Variants in CUL5 observed in about 807,000 individuals in gnomAD.
The protein encoded by CUL5 is cullin 5, also known as cullin-5.
Under a neutral mutation model 108.8 loss-of-function variants are expected in CUL5, and 26 were observed. The observed-to-expected ratio is 0.24, with a 90% CI of 0.18 to 0.33. The LOEUF (loss-of-function observed/expected upper bound fraction) is 0.33, where lower values mean the gene tolerates loss of function less well. CUL5 is among the 10% of genes least tolerant of loss of function. CUL5 has a pLI of 1.00. For synonymous variants in CUL5, 334 were observed against 298.0 expected (o/e 1.12, Z -1.25); for missense variants, 524 against 909.2 (o/e 0.58, Z 5.45).
Position 108,035,565 on chromosome 11 carries a change from C to G in CUL5, c.134+1654C>G, listed in dbSNP as rs541175517. 6.5e-3 allele frequency among the ~76,000 whole-genome samples: 968 copies of G among 149,154 alleles called. 4 individuals carry two copies. The highest frequency in any genetic ancestry group is 8.5e-3 in the Non-Finnish European group (572 of 67,128). On this transcript the variant is annotated intron_variant, in intron 2 of 18. Transcript: ENST00000393094. ...CAGCCTGGGCAACATAGTGTGAGAC[C>G]CTGTCTCTTAAAAAAAAAAAAAAAA...
intron 3 of CUL5, among the ~76,000 whole-genome samples, chr11:108,047,201 C>T (rs1219814438): frequency 1.3e-5 from 2 of 152,122 alleles, no homozygotes; most frequent in African/African-American, 2.4e-5. Flanking sequence ...CCTGTGGTTG[C>T]AGCCACTCGA....
intron 2 of CUL5, among the ~76,000 whole-genome samples, chr11:108,041,564 C>T (rs1862914181): frequency 6.6e-6 from 1 of 151,554 alleles, no homozygotes; most frequent in African/African-American, 2.4e-5. Flanking sequence ...GGTAGAGCCA[C>T]CATGCCCACA....
At chr11:108,014,750 T>C (rs530460542) in intron 1 of CUL5, among the ~76,000 whole-genome samples, 2 of 152,338 alleles carry the variant, frequency 1.3e-5, no homozygotes, top group East Asian at 3.9e-4. Context: ...AGACAGCTCC[T>C]GCCCTTGTAT....
At chr11:108,095,426 A>G (rs1864466232) in intron 15 of CUL5, 104 bp from the exon 16 acceptor site, 1 of 739,804 alleles carries the variant, frequency 1.4e-6, no homozygotes. Flanking sequence ...GAAAGAGTGG[A>G]TACTGGAAGA....
At chr11:108,070,743 A>AT (rs1863801370) in intron 8 of CUL5, among the ~76,000 whole-genome samples, 1 of 152,050 alleles carries the variant, frequency 6.6e-6, no homozygotes, top group South Asian at 2.1e-4. Context: ...TGCTTTTAAC[A>AT]TTTTTTTGCT....
chr11:108,021,763 G>A (rs1862331798), intron 1 of CUL5, among the ~76,000 whole-genome samples: 2 of 151,824 alleles, frequency 1.3e-5, no homozygotes, highest in African/African-American at 4.8e-5. Context: ...TGATTGTCCT[G>A]CCTTGACCTC....
At chr11:108,044,053 A>T (rs2135114989) in intron 2 of CUL5, among the ~76,000 whole-genome samples, 2 of 152,338 alleles carry the variant, frequency 1.3e-5, no homozygotes, top group South Asian at 4.1e-4. Flanking sequence ...TATCTGGCAC[A>T]TGATAAGCAG....
chr11:108,029,525 A>G (rs1259018869), intron 1 of CUL5, among the ~76,000 whole-genome samples: 1 of 152,220 alleles, frequency 6.6e-6, no homozygotes, highest in Non-Finnish European at 1.5e-5. Flanking sequence ...CAAGGTTCAT[A>G]GTCTGAAGAT....
At chr11:108,024,268 A>G (rs1043809602) in intron 1 of CUL5, among the ~76,000 whole-genome samples, 3 of 152,196 alleles carry the variant, frequency 2.0e-5, no homozygotes, top group Non-Finnish European at 4.4e-5. Flanking sequence ...AAATGGGAAT[A>G]GGCCAGGCAC....
intron 3 of CUL5, among the ~76,000 whole-genome samples, chr11:108,048,570 C>A (rs1261715675): frequency 6.6e-6 from 1 of 150,434 alleles, no homozygotes; most frequent in East Asian, 1.9e-4. Flanking sequence ...TTCACTGTTA[C>A]ATCGGTGGCA....
chr11:108,048,648 CTTTTTTTTTTTTTTTTTTTTTTTTTTT>C (rs200991204), intron 3 of CUL5, among the ~76,000 whole-genome samples: 8 of 116,870 alleles, frequency 6.8e-5, no homozygotes, highest in African/African-American at 2.3e-4. Context: ...ACTCCACCAC[CTTTTTTTTTTTTTTTTTTTTTTTTTTT>C]TTTTTTTTTG....
intron 7 of CUL5, among the ~76,000 whole-genome samples, chr11:108,064,254 A>G (rs148057957): frequency 5.0e-4 from 76 of 152,280 alleles, no homozygotes; most frequent in African/African-American, 1.7e-3. Context: ...ATTTTATCAG[A>G]TGCTTTTTCA....
intron 2 of CUL5, among the ~76,000 whole-genome samples, chr11:108,042,358 A>G (rs1376135000): frequency 1.3e-5 from 2 of 151,856 alleles, no homozygotes; most frequent in East Asian, 1.9e-4. Flanking sequence ...TGCTGGGACA[A>G]CAGGCGTGCC....
chr11:108,055,694 A>G (rs1863358872), intron 7 of CUL5, among the ~76,000 whole-genome samples: 1 of 151,226 alleles, frequency 6.6e-6, no homozygotes, highest in Non-Finnish European at 1.5e-5. Context: ...GCAGTGGTGC[A>G]ATCTCGGCTC....
chr11:108,097,871 T>A, intron 17 of CUL5, 117 bp downstream of exon 17: 1 of 584,724 alleles, frequency 1.7e-6, no homozygotes, highest in South Asian at 2.4e-5. Context: ...CTGTCATCAC[T>A]CTAAACTTAC....
intron 1 of CUL5, among the ~76,000 whole-genome samples, chr11:108,026,637 TCAA>T (rs1465845978): frequency 6.6e-6 from 1 of 152,104 alleles, no homozygotes; most frequent in African/African-American, 2.4e-5. Flanking sequence ...CCCCACATCA[TCAA>T]CATTTCATAT....
intron 10 of CUL5, among the ~76,000 whole-genome samples, chr11:108,075,675 G>T (rs4754291): frequency 6.6e-6 from 1 of 152,282 alleles, no homozygotes; most frequent in Admixed American, 6.5e-5. Context: ...TTCTGGGACT[G>T]TGAGCACATA....
Position 108,009,333 on chromosome 11 carries a change from G to A in CUL5, c.-16G>A. The A allele has an allele frequency of 1.2e-6, 2 of 1,612,918 alleles. No homozygotes were observed. The highest frequency in any genetic ancestry group is 1.3e-5 in the African/African-American group (1 of 74,828). Reference sequence around the variant, plus strand: ...CGAATTCTCGCGTCGTCTCGCGAGAGTCCAAGTTAAAGAACATGGCGACGT... The same window carrying A: ...CGAATTCTCGCGTCGTCTCGCGAGAATCCAAGTTAAAGAACATGGCGACGT... On this transcript the variant is annotated 5_prime_UTR_variant, in exon 1 of 19. Coordinates refer to ENST00000393094, the MANE Select transcript of CUL5 (RefSeq NM_003478.6).
chr11:108,107,726 A>G lies in CUL5; in HGVS notation c.*3342A>G, dbSNP rs1376492072. 1 of 152,512 alleles carries G rather than the reference A, an allele frequency of 6.6e-6. No individual in the cohort carries two copies. The highest frequency in any genetic ancestry group is 1.5e-5 in the Non-Finnish European group (1 of 68,042). The allele number at this position is 152,512 out of a possible 1,614,324, so 9.4% of individuals were successfully genotyped here. A position where few individuals can be genotyped will look rare whatever the true frequency, so the allele number is the denominator to read the frequency against. The stretch of plus-strand genomic sequence containing the variant: ...TGGATTTTATTTTTTAAGTTGTATA[A>G]TTTATTTTCTTGCAAAATAAAAATG... On this transcript the variant is annotated 3_prime_UTR_variant, in exon 19 of 19. Coordinates refer to ENST00000393094, the MANE Select transcript of CUL5 (RefSeq NM_003478.6).
Sources: allele counts gnomAD v4.1 joint callset (sites outside exome capture counted in the v4.1 genomes callset), GRCh38; gene constraint gnomAD v4.1.1; transcripts MANE v1.5; gene names NCBI Gene and HGNC (gene_info 2026-07-23, HGNC 2026-07-21).